CCDC3: variants seen among roughly 807,000 people sequenced by gnomAD.
The protein encoded by CCDC3 is coiled-coil domain-containing protein 3.
In CCDC3, 24 loss-of-function variants were observed where a neutral mutation model predicts 21.4. That is an observed-to-expected ratio of 1.12 (90% CI 0.81 to 1.58). CCDC3 has a LOEUF of 1.58. Ranked by LOEUF, CCDC3 falls within the 40% of genes most tolerant of loss-of-function variation. CCDC3 has a pLI of 0.00. For synonymous variants in CCDC3, 186 were observed against 166.0 expected (o/e 1.12, Z -0.93); for missense variants, 425 against 360.9 (o/e 1.18, Z -1.44).
intron 2 of CCDC3, among the ~76,000 whole-genome samples, chr10:12,913,819 T>C (rs776243282): frequency 1.3e-5 from 2 of 152,250 alleles, no homozygotes; most frequent in Non-Finnish European, 2.9e-5. Flanking sequence ...TCCAATGGTT[T>C]TTCTGCATCT....
chr10:12,934,281 T>C (rs1834699507), intron 2 of CCDC3, among the ~76,000 whole-genome samples: 1 of 152,218 alleles, frequency 6.6e-6, no homozygotes, highest in African/African-American at 2.4e-5. Context: ...TTTAATTCCA[T>C]TGTCGTCTTT....
At chr10:12,964,209 C>T (rs1289218613) in intron 2 of CCDC3, among the ~76,000 whole-genome samples, 1 of 151,936 alleles carries the variant, frequency 6.6e-6, no homozygotes, top group Non-Finnish European at 1.5e-5. Context: ...CCCGGTTCTA[C>T]TAAAAATGCA....
intron 5 of CCDC3, among the ~76,000 whole-genome samples, chr10:13,009,378 A>G (rs891788763): frequency 6.6e-6 from 1 of 152,216 alleles, no homozygotes; most frequent in Non-Finnish European, 1.5e-5. Flanking sequence ...CAAACTCAAT[A>G]AAAATCCCAG....
chr10:13,081,304 T>A lies in CCDC3; in HGVS notation c.-502-7204A>T, dbSNP rs140903857. On this transcript the variant is annotated intron_variant, in intron 3 of 6. Coordinates refer to the CCDC3 transcript ENST00000378839. ...CACTTTCCCTTCCCTCAGAACTAAG[T>A]CTTTTAGCACAGGTACCACCCCTAG... Among the ~76,000 whole-genome samples, 54 of 152,232 alleles carry A rather than the reference T, an allele frequency of 3.5e-4. No individual in the cohort carries two copies. In the East Asian group the frequency reaches 0.01, roughly 29 times the overall value.
intron 2 of CCDC3, among the ~76,000 whole-genome samples, chr10:12,961,415 T>A (rs1463166942): frequency 1.3e-5 from 2 of 152,106 alleles, no homozygotes; most frequent in Non-Finnish European, 2.9e-5. Flanking sequence ...CAAATAATAA[T>A]GGGATCCAAA....
chr10:12,898,197 T>A lies in CCDC3; in HGVS notation c.*219A>T, dbSNP rs1018726405. On this transcript the variant is annotated 3_prime_UTR_variant, in exon 3 of 3. Coordinates refer to ENST00000378825, the MANE Select transcript of CCDC3 (RefSeq NM_031455.4). ...TGCCTCTGGACTGCCAGGCACTGCG[T>A]CTGGGGTCAGGCCAGGAAGGGGCAG... The A allele has an allele frequency of 1.7e-6, 1 of 593,904 alleles. No individual in the cohort carries two copies. Among genetic ancestry groups the A allele is most frequent in the African/African-American group, 1.9e-5 (1 of 53,922 alleles). The allele number at this position is 593,904 out of a possible 1,614,324, so 36.8% of individuals were successfully genotyped here.
intron 5 of CCDC3, among the ~76,000 whole-genome samples, chr10:13,038,373 G>GAAAAAA (rs1491010866): frequency 2.0e-5 from 1 of 50,912 alleles, no homozygotes. Context: ...AAGTTGGAAA[G>GAAAAAA]CAAAAAAAAA....
At chr10:13,067,178 G>A (rs1034675453) in intron 4 of CCDC3, among the ~76,000 whole-genome samples, 2 of 152,220 alleles carry the variant, frequency 1.3e-5, no homozygotes, top group Admixed American at 6.5e-5. Flanking sequence ...GGCGAATGGT[G>A]GGTTCCCCGC....
intron 4 of CCDC3, among the ~76,000 whole-genome samples, chr10:13,072,274 C>A (rs1444159124): frequency 6.6e-6 from 1 of 152,156 alleles, no homozygotes; most frequent in Non-Finnish European, 1.5e-5. Context: ...CTTAGATAAG[C>A]CTCTGAGGGA....
chr10:13,063,175 C>T (rs141139939), intron 4 of CCDC3, among the ~76,000 whole-genome samples: 186 of 137,174 alleles, frequency 1.4e-3, no homozygotes, highest in African/African-American at 4.9e-3. Flanking sequence ...AATAACAAAA[C>T]CCTGGTCTCC....
chr10:12,919,202 T>G (rs1834407733), intron 2 of CCDC3, among the ~76,000 whole-genome samples: 1 of 152,208 alleles, frequency 6.6e-6, no homozygotes, highest in Non-Finnish European at 1.5e-5. Flanking sequence ...GGGTCTTTAT[T>G]GTTAGAGTGA....
At chr10:12,914,531 C>T (rs563040508) in intron 2 of CCDC3, among the ~76,000 whole-genome samples, 111 of 152,170 alleles carry the variant, frequency 7.3e-4, no homozygotes, top group African/African-American at 2.3e-3. Context: ...CTGCAACCTC[C>T]GCCTCCTGGG....
chr10:12,991,543 A>T (rs1835683255), intron 2 of CCDC3, among the ~76,000 whole-genome samples: 1 of 152,094 alleles, frequency 6.6e-6, no homozygotes, highest in Non-Finnish European at 1.5e-5. Flanking sequence ...CATGTTGGCG[A>T]GGCTGGTCTC....
intron 3 of CCDC3, among the ~76,000 whole-genome samples, chr10:13,081,774 T>C (rs1837042334): frequency 6.6e-6 from 1 of 152,210 alleles, no homozygotes; most frequent in South Asian, 2.1e-4. Context: ...AGGATGTAAA[T>C]GCCTGGCTAA....
intron 2 of CCDC3, among the ~76,000 whole-genome samples, chr10:12,908,351 C>T (rs1437890256): frequency 3.9e-5 from 6 of 152,172 alleles, no homozygotes; most frequent in African/African-American, 1.2e-4. Flanking sequence ...TACCCCAGAT[C>T]TCATCGGTCT....
At chr10:13,093,285 T>A (rs775690849) in intron 3 of CCDC3, among the ~76,000 whole-genome samples, 3 of 152,040 alleles carry the variant, frequency 2.0e-5, no homozygotes, top group Non-Finnish European at 4.4e-5. Flanking sequence ...GAGAACCAAG[T>A]GAAAGGGGTT....
intron 2 of CCDC3, among the ~76,000 whole-genome samples, chr10:12,990,378 A>C (rs1034373395): frequency 6.6e-6 from 1 of 152,198 alleles, no homozygotes; most frequent in Non-Finnish European, 1.5e-5. Context: ...ATACACATAA[A>C]GCCCCTCCGC....
upstream of CCDC3, among the ~76,000 whole-genome samples, chr10:13,006,618 A>C (rs1378124269): frequency 6.6e-6 from 1 of 152,108 alleles, no homozygotes; most frequent in Non-Finnish European, 1.5e-5. Context: ...CCAACAATAA[A>C]AGCCATCACC....
intron 2 of CCDC3, among the ~76,000 whole-genome samples, chr10:12,975,281 T>TC (rs974553910): frequency 2.0e-5 from 3 of 151,948 alleles, no homozygotes; most frequent in African/African-American, 7.3e-5. Context: ...AGGTGCTCAG[T>TC]CCTCCCTCCA....
Sources: gnomAD v4.1 joint callset for allele counts (sites outside exome capture counted in the v4.1 genomes callset) on GRCh38, gnomAD v4.1.1 for gene constraint, MANE v1.5 for transcripts, NCBI Gene and HGNC (gene_info 2026-07-23, HGNC 2026-07-21) for gene names.